PTPRD: variants seen among roughly 807,000 people sequenced by gnomAD.
The protein encoded by PTPRD is protein tyrosine phosphatase receptor type D, also known as receptor-type tyrosine-protein phosphatase delta.
A neutral mutation model predicts 214.5 loss-of-function variants in PTPRD; 34 were observed. The ratio of observed to expected loss-of-function variants is 0.16; its 90% CI spans 0.12 to 0.21. The LOEUF (loss-of-function observed/expected upper bound fraction) is 0.21, where lower values mean the gene tolerates loss of function less well. Among genes scored for constraint, PTPRD ranks in the 10% least tolerant of loss-of-function variants. The pLI is 1.00. For missense variants in PTPRD, 2,545 were observed against 2,398.7 expected, an observed-to-expected ratio of 1.06 and a Z score of -1.27; for synonymous variants, 1,128 against 845.7, an observed-to-expected ratio of 1.33 and a Z score of -5.79.
At chr9:9,446,174 CAAGA>C (rs775714490) in intron 8 of PTPRD, among the ~76,000 whole-genome samples, 10 of 152,074 alleles carry the variant, frequency 6.6e-5, no homozygotes, top group Admixed American at 2.0e-4. Flanking sequence ...AACATGATGA[CAAGA>C]AAGTCAAAGT....
chr9:9,152,048 T>G (rs1350239510), intron 10 of PTPRD, among the ~76,000 whole-genome samples: 1 of 152,184 alleles, frequency 6.6e-6, no homozygotes, highest in East Asian at 1.9e-4. Context: ...TAAAAAGAAA[T>G]AAACTGGATT....
intron 7 of PTPRD, among the ~76,000 whole-genome samples, chr9:9,602,247 A>G (rs7043378): frequency 0.48 from 73,247 of 151,858 alleles, 18,307 homozygotes; most frequent in African/African-American, 0.52. Flanking sequence ...CTGAAAAAAT[A>G]TACATGATAA....
At chr9:9,688,717 G>C (rs2097209406) in intron 7 of PTPRD, among the ~76,000 whole-genome samples, 1 of 151,878 alleles carries the variant, frequency 6.6e-6, no homozygotes, top group East Asian at 1.9e-4. Context: ...ATTTCTTCTG[G>C]AGTGGTGATA....
chr9:8,578,970 C>G (rs2092765010), intron 14 of PTPRD, among the ~76,000 whole-genome samples: 1 of 152,142 alleles, frequency 6.6e-6, no homozygotes, highest in South Asian at 2.1e-4. Context: ...ATGTATTAAG[C>G]TGGATTTATA....
At chr9:8,333,638 T>C (rs1192553366) in intron 43 of PTPRD, among the ~76,000 whole-genome samples, 1 of 151,056 alleles carries the variant, frequency 6.6e-6, no homozygotes, top group Non-Finnish European at 1.5e-5. Context: ...ATGAAGAAGC[T>C]GCATAATTAA....
chr9:10,103,840 G>A (rs1281959536), intron 3 of PTPRD, among the ~76,000 whole-genome samples: 1 of 151,630 alleles, frequency 6.6e-6, no homozygotes, highest in African/African-American at 2.4e-5. Context: ...TAAAAGTGGA[G>A]TTAAAGAATT....
chr9:10,558,505 C>G (rs1216866551), intron 2 of PTPRD, among the ~76,000 whole-genome samples: 2 of 152,066 alleles, frequency 1.3e-5, no homozygotes, highest in African/African-American at 2.4e-5. Context: ...TCCAACCTCT[C>G]CAGCTTGAGA....
At position 9,382,977 on chromosome 9, in the gene PTPRD, T is replaced by C. The variant is rs1248335579; in HGVS notation, c.-203+14472A>G. Among the ~76,000 whole-genome samples, 5 of 152,090 alleles carry C rather than the reference T, an allele frequency of 3.3e-5. No homozygotes were observed. The East Asian group carries it at 9.7e-4, about 29-fold the overall frequency. On this transcript the variant is annotated intron_variant, in intron 9 of 45. Coordinates refer to ENST00000381196, the MANE Select transcript of PTPRD (RefSeq NM_002839.4). ...TATAATAGAATATTATGTTGCCTTA[T>C]AAAAGAAGAAAATCTTGTCATTTGC...
intron 29 of PTPRD, 45 bp downstream of exon 29, chr9:8,485,182 C>G: frequency 6.5e-7 from 1 of 1,530,828 alleles, no homozygotes; most frequent in African/African-American, 1.4e-5. Context: ...AAACTGTCCC[C>G]TCTACTTTTA....
chr9:9,113,790 C>A (rs1248943352), intron 10 of PTPRD, among the ~76,000 whole-genome samples: 2 of 152,010 alleles, frequency 1.3e-5, no homozygotes, highest in Non-Finnish European at 2.9e-5. Context: ...AGTAGTGTAG[C>A]CATTTTATTA....
At chr9:8,669,632 A>G (rs760633855) in intron 12 of PTPRD, among the ~76,000 whole-genome samples, 4 of 152,210 alleles carry the variant, frequency 2.6e-5, no homozygotes, top group African/African-American at 4.8e-5. Context: ...CAAATCTGGA[A>G]GTTTCAAAGA....
intron 10 of PTPRD, among the ~76,000 whole-genome samples, chr9:9,030,828 T>C (rs543687402): frequency 6.6e-6 from 1 of 152,162 alleles, no homozygotes; most frequent in South Asian, 2.1e-4. Flanking sequence ...TAGATTGCAA[T>C]TTATATACAT....
intron 23 of PTPRD, among the ~76,000 whole-genome samples, chr9:8,502,869 C>A (rs1210831894): frequency 7.0e-6 from 1 of 142,864 alleles, no homozygotes; most frequent in Non-Finnish European, 1.5e-5. Flanking sequence ...TATATACACA[C>A]ACACACATAT....
At chr9:10,575,298 G>A (rs534360868) in intron 2 of PTPRD, among the ~76,000 whole-genome samples, 1 of 151,824 alleles carries the variant, frequency 6.6e-6, no homozygotes, top group South Asian at 2.1e-4. Flanking sequence ...TATGAAAGTT[G>A]GGAAAAATAC....
At chr9:9,572,365 A>C (rs16929778) in intron 8 of PTPRD, among the ~76,000 whole-genome samples, 6,514 of 151,368 alleles carry the variant, frequency 0.043, 479 homozygotes, top group African/African-American at 0.15. Context: ...TTAGTCGAAG[A>C]ATATATTTGA....
At chr9:8,559,297 A>C (rs888791779) in intron 14 of PTPRD, among the ~76,000 whole-genome samples, 6 of 152,226 alleles carry the variant, frequency 3.9e-5, no homozygotes, top group Non-Finnish European at 1.5e-5. Context: ...GTTTGCAGTG[A>C]TAAATATCCC....
At chr9:9,954,304 A>C (rs1047939579) in intron 4 of PTPRD, among the ~76,000 whole-genome samples, 2 of 145,734 alleles carry the variant, frequency 1.4e-5, no homozygotes, top group African/African-American at 2.6e-5. Context: ...AAACAAAAAA[A>C]AAAAAAAAAA....
chr9:9,043,994 G>C (rs1055404339), intron 10 of PTPRD, among the ~76,000 whole-genome samples: 3 of 152,016 alleles, frequency 2.0e-5, no homozygotes, highest in African/African-American at 7.2e-5. Flanking sequence ...TAAAACTTCA[G>C]TGATAGACTT....
At position 9,406,837 on chromosome 9, in the gene PTPRD, TTTC is replaced by T. The variant is rs1276201114; in HGVS notation, c.-236-9358_-236-9356del. On this transcript the variant is annotated intron_variant, in intron 8 of 45. Transcript: ENST00000381196. ...TGAAAAAAATATCTAATATGAACTCTTTCTTCTTTCTTTTTTTTTTTGAGATGA... is the reference window on the plus strand; with the variant it reads ...TGAAAAAAATATCTAATATGAACTCTTTCTTTCTTTTTTTTTTTGAGATGA... Among the ~76,000 whole-genome samples, 4 of 76,002 alleles carry T rather than the reference TTTC, an allele frequency of 5.3e-5. No individual in the cohort carries two copies. In the East Asian group the frequency reaches 1.1e-3, roughly 22 times the overall value. The allele number at this position is 76,002 out of a possible 152,430, so 49.9% of individuals were successfully genotyped here.
Sources: gnomAD v4.1 joint callset for allele counts (sites outside exome capture counted in the v4.1 genomes callset) on GRCh38, gnomAD v4.1.1 for gene constraint, MANE v1.5 for transcripts, NCBI Gene and HGNC (gene_info 2026-07-23, HGNC 2026-07-21) for gene names.